The following ANKH variants were observed in gnomAD, a reference collection of about 807,000 sequenced individuals.
ANKH encodes the protein ANKH inorganic pyrophosphate transport regulator.
ANKH carries 15 observed loss-of-function variants against 49.0 expected under a neutral mutation model. The observed-to-expected ratio is 0.31, with a 90% CI of 0.20 to 0.47. ANKH has a LOEUF of 0.47. Among genes scored for constraint, ANKH ranks in the 20% least tolerant of loss-of-function variants. The pLI, the probability that ANKH is intolerant of heterozygous loss-of-function variation, is 1.00. For missense variants in ANKH, 429 were observed against 652.0 expected (o/e 0.66, Z 3.72); for synonymous variants, 273 against 260.0 (o/e 1.05, Z -0.48).
rs540010631 is a variant in ANKH at position 14,736,006 on chromosome 5, CTTTTTTTTT to C, written c.1011+5812_1011+5820del. On this transcript the variant is annotated intron_variant, in intron 8 of 11. Coordinates refer to ENST00000284268, the MANE Select transcript of ANKH (RefSeq NM_054027.6). ...AGAAAGATCCAGAGTAAAAACCTAA[CTTTTTTTTT>C]TTTTTTTTTTTTTTTTTTTTTTTAA... Among the ~76,000 whole-genome samples the C allele has an allele frequency of 1.0e-3, 87 of 83,666 alleles. 1 individual carries two copies. The highest frequency in any genetic ancestry group is 3.8e-3 in the African/African-American group (66 of 17,202). The allele number at this position is 83,666 out of a possible 152,430, so 54.9% of individuals were successfully genotyped here. A position where few individuals can be genotyped will look rare whatever the true frequency, so the allele number is the denominator to read the frequency against.
intron 1 of ANKH, among the ~76,000 whole-genome samples, chr5:14,848,628 G>A (rs1472225832): frequency 2.0e-5 from 3 of 152,164 alleles, no homozygotes; most frequent in African/African-American, 7.2e-5. Context: ...GCCCACTGCC[G>A]CTCCCGATCG....
chr5:14,843,156 G>GC (rs1199188309), intron 1 of ANKH, among the ~76,000 whole-genome samples: 1 of 150,578 alleles, frequency 6.6e-6, no homozygotes, highest in African/African-American at 2.4e-5. Flanking sequence ...CGAGACCTTT[G>GC]CAGAGCCACC....
chr5:14,805,580 A>G (rs1345949583), intron 1 of ANKH, among the ~76,000 whole-genome samples: 2 of 151,188 alleles, frequency 1.3e-5, no homozygotes, highest in African/African-American at 4.9e-5. Flanking sequence ...CCTGACTAAT[A>G]CACTTGCTTT....
chr5:14,770,927 C>T lies in ANKH; in HGVS notation c.97-1736G>A, dbSNP rs923090121. On this transcript the variant is annotated intron_variant, in intron 1 of 11. Coordinates refer to ENST00000284268, the MANE Select transcript of ANKH (RefSeq NM_054027.6). The surrounding 1 kb of genome is among the most constrained non-coding windows in gnomAD (Gnocchi z 4.1). ...ATTTGTCACTCATCCAATAGAGACA[C>T]AATCACATTCATAGAATTCATATTC... Among the ~76,000 whole-genome samples, 1 of 152,198 alleles carries T rather than the reference C, an allele frequency of 6.6e-6. No homozygotes were observed. Among genetic ancestry groups the T allele is most frequent in the Non-Finnish European group, 1.5e-5 (1 of 68,022 alleles).
chr5:14,794,385 G>A (rs1740306119), intron 1 of ANKH, among the ~76,000 whole-genome samples: 1 of 152,236 alleles, frequency 6.6e-6, no homozygotes. Flanking sequence ...AGGGGCCCTG[G>A]CCGTGAACGT....
In ANKH at chr5:14,769,059, C is replaced by G; in HGVS notation, c.229G>C (p.Val77Leu). 1 of 1,614,204 alleles carries G rather than the reference C, an allele frequency of 6.2e-7. No homozygotes were observed. The highest frequency in any genetic ancestry group is 1.1e-5 in the South Asian group (1 of 91,084). Residue 77 changes from valine to leucine, a missense_variant, in exon 2 of 12, where the codon GTG becomes CTG. Physicochemically the swap from Val to Leu is conservative, Grantham distance 32. Coordinates refer to ENST00000284268, the MANE Select transcript of ANKH (RefSeq NM_054027.6). ...TTGGTCCTGTCTCTCTTGCTGTTCA[C>G]AAACACCAGGCCCACATTTTTGAAG... is the stretch of plus-strand genomic sequence containing the variant. ...SDFKNVGLVF[V>L]NSKRDRTKAV...
At chr5:14,852,331 GA>G (rs1742142872) in intron 1 of ANKH, among the ~76,000 whole-genome samples, 1 of 152,134 alleles carries the variant, frequency 6.6e-6, no homozygotes, top group African/African-American at 2.4e-5. Flanking sequence ...TAAGGAAAAG[GA>G]AACATGATAT....
intron 1 of ANKH, among the ~76,000 whole-genome samples, chr5:14,846,863 C>T (rs931398965): frequency 5.9e-5 from 9 of 151,968 alleles, no homozygotes; most frequent in Admixed American, 5.9e-4. Flanking sequence ...AAAAAACTAG[C>T]CAGGCATGGT....
chr5:14,716,988 C>T, intron 8 of ANKH, 153 bp from the exon 9 acceptor site: 1 of 894,908 alleles, frequency 1.1e-6, no homozygotes, highest in Non-Finnish European at 1.7e-6. Flanking sequence ...CTGCCACCTG[C>T]TTGCTTGACT....
intron 1 of ANKH, among the ~76,000 whole-genome samples, chr5:14,845,843 CTTTTTTTTTTTTT>C (rs59264153): frequency 1.2e-5 from 1 of 82,566 alleles, no homozygotes. Flanking sequence ...CCTATGCACA[CTTTTTTTTTTTTT>C]TTTTTTTTTT....
At chr5:14,853,040 G>A (rs1742160192) in intron 1 of ANKH, among the ~76,000 whole-genome samples, 1 of 152,044 alleles carries the variant, frequency 6.6e-6, no homozygotes, top group South Asian at 2.1e-4. Flanking sequence ...TCACAATCAT[G>A]CTGATGAGCC....
At chr5:14,848,316 G>A (rs998225444) in intron 1 of ANKH, among the ~76,000 whole-genome samples, 1 of 152,170 alleles carries the variant, frequency 6.6e-6, no homozygotes, top group African/African-American at 2.4e-5. Flanking sequence ...AAAAGCAGGA[G>A]GTAAAGAAAT....
intron 1 of ANKH, among the ~76,000 whole-genome samples, chr5:14,859,925 T>A (rs571804320): frequency 6.6e-6 from 1 of 152,264 alleles, no homozygotes; most frequent in Admixed American, 6.5e-5. Flanking sequence ...TTGGCAGGTC[T>A]CTACTATACC....
At chr5:14,861,592 C>G (rs1187621921) in intron 1 of ANKH, among the ~76,000 whole-genome samples, 2 of 152,162 alleles carry the variant, frequency 1.3e-5, no homozygotes, top group East Asian at 3.9e-4. Flanking sequence ...CCTCCTCATG[C>G]TCCAGAGTAC....
At chr5:14,806,213 TAAA>T (rs1207167123) in intron 1 of ANKH, among the ~76,000 whole-genome samples, 2 of 152,018 alleles carry the variant, frequency 1.3e-5, no homozygotes, top group East Asian at 3.9e-4. Flanking sequence ...ATTAATCAGT[TAAA>T]GAGAATTATC....
intron 3 of ANKH, 69 bp downstream of exon 3, chr5:14,758,411 T>C (rs1005180392): frequency 1.6e-6 from 2 of 1,219,048 alleles, no homozygotes; most frequent in Admixed American, 1.8e-5. Context: ...AAATGGTAGA[T>C]TTTATATTAT....
At position 14,773,324 on chromosome 5, in the gene ANKH, C is replaced by T. The variant is rs560907739; in HGVS notation, c.97-4133G>A. On this transcript the variant is annotated intron_variant, in intron 1 of 11. Transcript: ENST00000284268. ...GGCACCTAAATAATGGAGGACTAGA[C>T]ATTTTATGTGTCTTCTTGGCAAAGC... Among the ~76,000 whole-genome samples the T allele has an allele frequency of 1.8e-3, 231 of 131,878 alleles. 2 individuals carry two copies. Among genetic ancestry groups the T allele is most frequent in the Non-Finnish European group, 3.2e-3 (199 of 62,076 alleles). The allele number at this position is 131,878 out of a possible 152,430, so 86.5% of individuals were successfully genotyped here.
chr5:14,769,129 C>T lies in ANKH; in HGVS notation c.159G>A (p.Gly53=). The T allele has an allele frequency of 6.2e-7, 1 of 1,614,140 alleles. No individual in the cohort carries two copies. Among genetic ancestry groups the T allele is most frequent in the Non-Finnish European group, 8.5e-7 (1 of 1,180,042 alleles). Residue 53 remains glycine, a synonymous_variant, in exon 2 of 12, where the codon GGG becomes GGA. Coordinates refer to ENST00000284268, the MANE Select transcript of ANKH (RefSeq NM_054027.6). The stretch of plus-strand genomic sequence containing the variant: ...AGAACTTCATGAGGGAGTACGCCAG[C>T]CCGTAGCTGGCCAGCATCTCGACTG... The part of the protein sequence containing the change: ...EDAVEMLASY[G]LAYSLMKFFT...
intron 1 of ANKH, among the ~76,000 whole-genome samples, chr5:14,858,248 A>C (rs1051989453): frequency 2.6e-5 from 4 of 152,064 alleles, no homozygotes; most frequent in African/African-American, 9.7e-5. Flanking sequence ...GTAGTCTTTT[A>C]TCCCTCACCC....
Sources: allele counts gnomAD v4.1 joint callset (sites outside exome capture counted in the v4.1 genomes callset), GRCh38; gene constraint gnomAD v4.1.1; non-coding constraint Gnocchi (gnomAD v3.1); transcripts MANE v1.5; gene names NCBI Gene and HGNC (gene_info 2026-07-23, HGNC 2026-07-21).